ITFG1: variants seen among roughly 807,000 people sequenced by gnomAD.
The protein encoded by ITFG1 is T-cell immunomodulatory protein.
ITFG1 carries 34 observed loss-of-function variants against 81.8 expected under a neutral mutation model. That is an observed-to-expected ratio of 0.42 (90% CI 0.32 to 0.55). ITFG1 has a LOEUF of 0.55. ITFG1 is among the 20% of genes least tolerant of loss of function. The probability of loss-of-function intolerance (pLI) is 0.17; values close to 1 mark genes in which losing one functional copy is unlikely to be tolerated. For missense variants in ITFG1, 672 were observed against 755.4 expected (o/e 0.89, Z 1.29); for synonymous variants, 285 against 270.6 (o/e 1.05, Z -0.52).
At chr16:47,348,139 T>C (rs890244448) in intron 8 of ITFG1, among the ~76,000 whole-genome samples, 1 of 152,124 alleles carries the variant, frequency 6.6e-6, no homozygotes, top group African/African-American at 2.4e-5. Flanking sequence ...CTGAAAATTC[T>C]AAAAATCAGA....
chr16:47,161,953 G>A, intron 15 of ITFG1, 121 bp from the exon 16 acceptor site: 1 of 663,244 alleles, frequency 1.5e-6, no homozygotes, highest in Admixed American at 2.5e-5. Context: ...TATGGATTAA[G>A]CTATGTTTAC....
At chr16:47,190,796 C>T (rs1481649982) in intron 14 of ITFG1, among the ~76,000 whole-genome samples, 2 of 152,152 alleles carry the variant, frequency 1.3e-5, no homozygotes, top group African/African-American at 4.8e-5. Flanking sequence ...TTTTATTTCT[C>T]ATGATTCAGT....
intron 14 of ITFG1, among the ~76,000 whole-genome samples, chr16:47,216,357 C>G (rs1395538838): frequency 6.6e-6 from 1 of 152,162 alleles, no homozygotes; most frequent in Non-Finnish European, 1.5e-5. Flanking sequence ...CCACACCTGG[C>G]TAATTTCTTT....
At chr16:47,270,856 T>C (rs950198938) in intron 10 of ITFG1, among the ~76,000 whole-genome samples, 3 of 150,750 alleles carry the variant, frequency 2.0e-5, no homozygotes, top group African/African-American at 7.5e-5. Context: ...GAAAATGCAA[T>C]CTAATCTACA....
In ITFG1 at chr16:47,154,934, A is replaced by G. The variant is rs1305504697; in HGVS notation, c.*785T>C. ...TCTTCATGCCTGAAAATAAAATTCT[A>G]TCAAGTCTATGTATTTCTATAATTA... On this transcript the variant is annotated 3_prime_UTR_variant, in exon 18 of 18. Transcript: ENST00000320640. 2.6e-5 allele frequency: 4 copies of G among 152,238 alleles called. No individual in the cohort carries two copies. The highest frequency in any genetic ancestry group is 4.8e-5 in the African/African-American group (2 of 41,466). 9.4% of individuals were successfully genotyped at this position (152,238 alleles called of 1,614,324 possible).
At chr16:47,413,142 C>A (rs1968832082) in intron 6 of ITFG1, among the ~76,000 whole-genome samples, 1 of 152,164 alleles carries the variant, frequency 6.6e-6, no homozygotes, top group African/African-American at 2.4e-5. Flanking sequence ...AAGGAAACCC[C>A]ATCAAGCTAG....
At chr16:47,428,193 A>G (rs1009959655) in intron 6 of ITFG1, among the ~76,000 whole-genome samples, 3 of 152,246 alleles carry the variant, frequency 2.0e-5, no homozygotes, top group Admixed American at 2.0e-4. Context: ...GCAGTTTTAA[A>G]TAAAAAAGTC....
At chr16:47,158,062 A>C (rs1019224604) in intron 17 of ITFG1, among the ~76,000 whole-genome samples, 2 of 152,202 alleles carry the variant, frequency 1.3e-5, no homozygotes, top group African/African-American at 4.8e-5. Flanking sequence ...AGTTTAATGC[A>C]AAGAATACTT....
chr16:47,237,777 C>T (rs187239477), intron 13 of ITFG1, among the ~76,000 whole-genome samples, 188 bp downstream of exon 13: 67 of 152,180 alleles, frequency 4.4e-4, no homozygotes, highest in African/African-American at 1.4e-3. Context: ...TAAAGACGAC[C>T]GTTCAGGTAA....
At chr16:47,460,403 T>C (rs1969515428) in intron 1 of ITFG1, among the ~76,000 whole-genome samples, 1 of 152,114 alleles carries the variant, frequency 6.6e-6, no homozygotes, top group Admixed American at 6.5e-5. Context: ...GATTGTCAGG[T>C]TGCACCTTTT....
At chr16:47,245,366 T>C (rs1481738960) in intron 12 of ITFG1, among the ~76,000 whole-genome samples, 1 of 152,072 alleles carries the variant, frequency 6.6e-6, no homozygotes, top group South Asian at 2.1e-4. Flanking sequence ...AAAAAAATTA[T>C]GTAGATGAAA....
At chr16:47,432,384 C>G (rs1969106932) in intron 5 of ITFG1, among the ~76,000 whole-genome samples, 1 of 152,132 alleles carries the variant, frequency 6.6e-6, no homozygotes, top group Admixed American at 6.5e-5. Context: ...TGGAAATCAG[C>G]AAGACACAAT....
chr16:47,284,660 C>T (rs1966863176), intron 10 of ITFG1, among the ~76,000 whole-genome samples: 1 of 152,138 alleles, frequency 6.6e-6, no homozygotes, highest in Non-Finnish European at 1.5e-5. Flanking sequence ...CACAACCACC[C>T]CCATTAAAAT....
At position 47,429,655 on chromosome 16, in the gene ITFG1, T is replaced by G. The variant is rs1467932273; in HGVS notation, c.561-757A>C. 2.0e-5 allele frequency among the ~76,000 whole-genome samples: 3 copies of G among 152,222 alleles called. No homozygotes were observed. In the East Asian group the frequency reaches 5.8e-4, roughly 29 times the overall value. The stretch of plus-strand genomic sequence containing the variant: ...ATACAGTATTTCACTGTGGTTTGAT[T>G]TGTATTTTCCTGATAGCTAATGATG... On this transcript the variant is annotated intron_variant, in intron 5 of 17. Coordinates refer to ENST00000320640, the MANE Select transcript of ITFG1 (RefSeq NM_030790.5).
intron 12 of ITFG1, among the ~76,000 whole-genome samples, chr16:47,250,448 T>C (rs1002456253): frequency 6.6e-6 from 1 of 151,748 alleles, no homozygotes; most frequent in Non-Finnish European, 1.5e-5. Flanking sequence ...TTTAAGAACA[T>C]ATCGAATAAA....
At chr16:47,444,910 C>T (rs997910366) in intron 5 of ITFG1, among the ~76,000 whole-genome samples, 3 of 152,058 alleles carry the variant, frequency 2.0e-5, no homozygotes, top group Non-Finnish European at 2.9e-5. Context: ...CAGATGCTCT[C>T]TTTTCTTTGC....
chr16:47,186,436 G>A (rs1965217564), intron 14 of ITFG1, among the ~76,000 whole-genome samples: 1 of 152,068 alleles, frequency 6.6e-6, no homozygotes, highest in Admixed American at 6.6e-5. Context: ...TTCATCCCTG[G>A]GATGCAAGGC....
intron 5 of ITFG1, among the ~76,000 whole-genome samples, chr16:47,436,589 T>A (rs1261459876): frequency 1.3e-5 from 2 of 152,184 alleles, no homozygotes; most frequent in Non-Finnish European, 2.9e-5. Context: ...CTCTTACTTT[T>A]CATTTTCATA....
chr16:47,290,082 G>C (rs1041157015), intron 10 of ITFG1, among the ~76,000 whole-genome samples: 1 of 152,044 alleles, frequency 6.6e-6, no homozygotes, highest in African/African-American at 2.4e-5. Flanking sequence ...TGACCCATTG[G>C]TCATTCAGAA....
Sources: gnomAD v4.1 joint callset for allele counts (sites outside exome capture counted in the v4.1 genomes callset) on GRCh38, gnomAD v4.1.1 for gene constraint, MANE v1.5 for transcripts, NCBI Gene and HGNC (gene_info 2026-07-23, HGNC 2026-07-21) for gene names.